Variants in PPM1E observed in about 807,000 individuals in gnomAD.
PPM1E encodes protein phosphatase 1E.
Under a neutral mutation model 65.9 loss-of-function variants are expected in PPM1E, and 20 were observed. That is an observed-to-expected ratio of 0.30 (90% CI 0.21 to 0.44). PPM1E has a LOEUF of 0.44. PPM1E is among the 20% of genes least tolerant of loss of function. The probability of loss-of-function intolerance (pLI) is 1.00; values close to 1 mark genes in which losing one functional copy is unlikely to be tolerated. For synonymous variants in PPM1E, 352 were observed against 374.9 expected, an observed-to-expected ratio of 0.94 and a Z score of 0.70; for missense variants, 713 against 953.1, an observed-to-expected ratio of 0.75 and a Z score of 3.32.
chr17:58,769,803 G>T (rs1273263058), intron 1 of PPM1E, among the ~76,000 whole-genome samples: 1 of 152,078 alleles, frequency 6.6e-6, no homozygotes, highest in Non-Finnish European at 1.5e-5. Context: ...GAGGCAGGCA[G>T]ATCACTTGAG....
chr17:58,825,973 TA>T (rs890976315), intron 1 of PPM1E, among the ~76,000 whole-genome samples: 1 of 152,162 alleles, frequency 6.6e-6, no homozygotes, highest in African/African-American at 2.4e-5. Flanking sequence ...CATTTTTTTT[TA>T]AGTTTATTCA....
chr17:58,930,733 TA>T (rs2051883549), intron 1 of PPM1E, among the ~76,000 whole-genome samples: 1 of 151,698 alleles, frequency 6.6e-6, no homozygotes, highest in Admixed American at 6.6e-5. Context: ...GAAAACATAG[TA>T]AGGGACATGG....
intron 1 of PPM1E, among the ~76,000 whole-genome samples, chr17:58,891,344 A>G (rs1194987412): frequency 6.6e-6 from 1 of 151,962 alleles, no homozygotes; most frequent in Non-Finnish European, 1.5e-5. Context: ...TTATTTTGAG[A>G]TGGAGTCTTG....
rs1385964726 is a variant in PPM1E, at chr17:58,983,619, G to T, written c.*2588G>T. ...CTGGTGATTGTAAAAATATTAGACA[G>T]ATATAAAAGTATCTATATAATATCT... On this transcript the variant is annotated 3_prime_UTR_variant, in exon 7 of 7. Transcript: ENST00000308249. 6.6e-6 allele frequency: 1 copy of T among 152,594 alleles called. No individual in the cohort carries two copies. The highest frequency in any genetic ancestry group is 2.4e-5 in the African/African-American group (1 of 41,426). 9.5% of individuals were successfully genotyped at this position (152,594 alleles called of 1,614,324 possible). A position where few individuals can be genotyped will look rare whatever the true frequency, so the allele number is the denominator to read the frequency against.
intron 1 of PPM1E, among the ~76,000 whole-genome samples, chr17:58,932,756 G>A (rs560638179): frequency 6.6e-6 from 1 of 152,018 alleles, no homozygotes; most frequent in South Asian, 2.1e-4. Flanking sequence ...AATACTGATA[G>A]GTATGTTGGA....
intron 1 of PPM1E, among the ~76,000 whole-genome samples, chr17:58,929,994 TC>T (rs1384548019): frequency 6.6e-6 from 1 of 152,204 alleles, no homozygotes; most frequent in African/African-American, 2.4e-5. Context: ...CAGAAATTCT[TC>T]CTGCTATCTC....
intron 1 of PPM1E, among the ~76,000 whole-genome samples, chr17:58,782,342 T>C (rs755067880): frequency 2.0e-5 from 3 of 151,934 alleles, no homozygotes; most frequent in Non-Finnish European, 4.4e-5. Context: ...GAGTGTTTTT[T>C]AAAAGGCAAG....
chr17:58,877,336 T>G (rs963704136), intron 1 of PPM1E, among the ~76,000 whole-genome samples: 1 of 152,158 alleles, frequency 6.6e-6, no homozygotes, highest in East Asian at 1.9e-4. Context: ...GCTTTTAAAA[T>G]TCTCTTCTTT....
At chr17:58,809,607 CT>C (rs1339887144) in intron 1 of PPM1E, among the ~76,000 whole-genome samples, 12 of 152,096 alleles carry the variant, frequency 7.9e-5, no homozygotes, top group African/African-American at 2.7e-4. Context: ...TGGTCTCAAA[CT>C]CCTGGGCTCA....
intron 1 of PPM1E, among the ~76,000 whole-genome samples, chr17:58,866,979 G>T (rs1311629237): frequency 6.6e-6 from 1 of 152,014 alleles, no homozygotes; most frequent in Non-Finnish European, 1.5e-5. Context: ...AAATTGGGGG[G>T]ATTTTATTTT....
At chr17:58,965,935 AAAC>A (rs760205037) in intron 3 of PPM1E, 42 bp downstream of exon 3, 2 of 1,564,670 alleles carry the variant, frequency 1.3e-6, no homozygotes, top group South Asian at 2.2e-5. Flanking sequence ...TTTAAAGACA[AAAC>A]AAACACCTTC....
intron 1 of PPM1E, among the ~76,000 whole-genome samples, chr17:58,780,661 A>T (rs992445629): frequency 1.3e-5 from 2 of 152,168 alleles, no homozygotes; most frequent in Non-Finnish European, 2.9e-5. Context: ...ATGTGTTACA[A>T]ATGGCTTCTC....
chr17:58,911,887 C>T (rs1421514251), intron 1 of PPM1E, among the ~76,000 whole-genome samples: 2 of 152,094 alleles, frequency 1.3e-5, no homozygotes, highest in Non-Finnish European at 2.9e-5. Context: ...CTCAGAGTCG[C>T]AAGGAAAACA....
At chr17:58,772,974 C>CT (rs66678128) in intron 1 of PPM1E, among the ~76,000 whole-genome samples, 36,301 of 146,694 alleles carry the variant, frequency 0.25, 5,160 homozygotes, top group Middle Eastern at 0.42. Flanking sequence ...CTTTCTCTCT[C>CT]TTTTTTTTTT....
rs923042170 is a variant in PPM1E, at chr17:58,981,354, T to C, written c.*323T>C. 7 of 245,124 alleles carry C rather than the reference T, an allele frequency of 2.9e-5. No individual in the cohort carries two copies. Among genetic ancestry groups the C allele is most frequent in the Non-Finnish European group, 4.7e-5 (6 of 127,552 alleles). The allele number at this position is 245,124 out of a possible 1,614,324, so 15.2% of individuals were successfully genotyped here. A position where few individuals can be genotyped will look rare whatever the true frequency, so the allele number is the denominator to read the frequency against. ...CATCCCTTCAGTCACTAGTGGAAGC[T>C]TTCAAGTTAGTTATTTCAGTCAGGA... is the stretch of plus-strand genomic sequence containing the variant. On this transcript the variant is annotated 3_prime_UTR_variant, in exon 7 of 7. Transcript: ENST00000308249.
intron 1 of PPM1E, among the ~76,000 whole-genome samples, chr17:58,922,369 C>A: frequency 6.6e-6 from 1 of 152,066 alleles, no homozygotes; most frequent in Non-Finnish European, 1.5e-5. Context: ...CCTCCCACCT[C>A]AGCCTCCCAT....
At chr17:58,778,927 C>CATATATATATATATATATAT (rs59563297) in intron 1 of PPM1E, among the ~76,000 whole-genome samples, 70 of 103,694 alleles carry the variant, frequency 6.8e-4, no homozygotes, top group Non-Finnish European at 1.0e-3. Flanking sequence ...ATGATACATA[C>CATATATATATATATATATAT]ATATATATAT....
chr17:58,909,140 C>T (rs558204655), intron 1 of PPM1E, among the ~76,000 whole-genome samples: 50 of 151,676 alleles, frequency 3.3e-4, no homozygotes, highest in Middle Eastern at 3.4e-3. Flanking sequence ...TCTTTCTTTC[C>T]AAAGAATTTC....
intron 1 of PPM1E, among the ~76,000 whole-genome samples, chr17:58,788,365 A>T (rs1280711826): frequency 6.6e-6 from 1 of 152,164 alleles, no homozygotes; most frequent in Non-Finnish European, 1.5e-5. Context: ...CCAAAGAGTT[A>T]GAGTGTATAC....
Sources: allele counts gnomAD v4.1 joint callset (sites outside exome capture counted in the v4.1 genomes callset), GRCh38; gene constraint gnomAD v4.1.1; transcripts MANE v1.5; gene names NCBI Gene and HGNC (gene_info 2026-07-23, HGNC 2026-07-21).